The following GLIS3 variants were observed in gnomAD, a reference collection of about 807,000 sequenced individuals.
GLIS3 encodes the protein GLIS family zinc finger 3.
GLIS3 carries 53 observed loss-of-function variants against 78.6 expected under a neutral mutation model. The observed-to-expected ratio is 0.67, with a 90% confidence interval of 0.54 to 0.85. The LOEUF (loss-of-function observed/expected upper bound fraction) is 0.85. GLIS3 is among the 40% of genes least tolerant of loss of function. The pLI is 0.00. For missense variants in GLIS3, 1,703 were observed against 1,231.1 expected (o/e 1.38, Z -5.74); for synonymous variants, 684 against 509.9 (o/e 1.34, Z -4.60).
In GLIS3 at chr9:3,911,204, A is replaced by ATAAAG. The variant is rs1246288395; in HGVS notation, c.1984-12374_1984-12370dup. Among the ~76,000 whole-genome samples the ATAAAG allele has an allele frequency of 2.6e-5, 4 of 152,148 alleles. No homozygotes were observed. The South Asian group carries it at 8.3e-4, about 31-fold the overall frequency. On this transcript the variant is annotated intron_variant, in intron 6 of 10. Coordinates refer to ENST00000381971, the MANE Select transcript of GLIS3 (RefSeq NM_001042413.2). Reference sequence around the variant, plus strand: ...CCCCAAACTACGCTAGGCCCAGGAGATAAAGTAGTACATAAGACAATTGAA... The same window carrying ATAAAG: ...CCCCAAACTACGCTAGGCCCAGGAGATAAAGTAAAGTAGTACATAAGACAATTGAA...
chr9:4,144,444 TTC>T (rs1382593400), intron 2 of GLIS3, among the ~76,000 whole-genome samples: 1 of 152,242 alleles, frequency 6.6e-6, no homozygotes, highest in Non-Finnish European at 1.5e-5. Flanking sequence ...GGTTTCTCGT[TTC>T]TGTGTCATTT....
At chr9:4,311,669 G>A (rs948448404) in intron 2 of GLIS3, among the ~76,000 whole-genome samples, 1 of 151,980 alleles carries the variant, frequency 6.6e-6, no homozygotes, top group African/African-American at 2.4e-5. Context: ...TGACCCTCCT[G>A]CATCGGCCTT....
At chr9:3,855,911 G>C in intron 9 of GLIS3, 98 bp downstream of exon 9, 2 of 1,308,940 alleles carry the variant, frequency 1.5e-6, no homozygotes, top group Non-Finnish European at 2.2e-6. Context: ...GCCTGGTGTA[G>C]AACAGAGCAT....
chr9:3,932,179 T>C (rs1825662335), intron 6 of GLIS3, among the ~76,000 whole-genome samples, 181 bp downstream of exon 6: 1 of 152,064 alleles, frequency 6.6e-6, no homozygotes. Context: ...ACCATAGCCA[T>C]ATCAGCTATG....
the GLIS3 span, among the ~76,000 whole-genome samples, chr9:4,450,859 T>A: frequency 6.6e-6 from 1 of 152,078 alleles, no homozygotes; most frequent in South Asian, 2.1e-4. Context: ...GCACTAAACA[T>A]GGAAACAAAC....
chr9:4,352,724 G>T (rs1030012918), upstream of GLIS3, among the ~76,000 whole-genome samples: 1 of 152,262 alleles, frequency 6.6e-6, no homozygotes, highest in Non-Finnish European at 1.5e-5. Flanking sequence ...GCTGGCCCTT[G>T]TGCCTTTGTG....
intron 2 of GLIS3, among the ~76,000 whole-genome samples, chr9:4,243,014 G>C (rs535059727): frequency 1.3e-5 from 2 of 152,232 alleles, no homozygotes; most frequent in East Asian, 3.9e-4. Context: ...CATCAATGAG[G>C]TTTTAGTATA....
chr9:4,266,959 C>G (rs1292455744), intron 2 of GLIS3, among the ~76,000 whole-genome samples: 1 of 152,172 alleles, frequency 6.6e-6, no homozygotes, highest in African/African-American at 2.4e-5. Flanking sequence ...GTGCTACATG[C>G]TGTGATATAA....
At chr9:3,899,416 GA>G (rs1353117238) in intron 6 of GLIS3, among the ~76,000 whole-genome samples, 1 of 119,254 alleles carries the variant, frequency 8.4e-6, no homozygotes, top group African/African-American at 3.1e-5. Context: ...ATACATTAAA[GA>G]GTTACATGTA....
At chr9:4,228,254 A>T (rs1414287067) in intron 2 of GLIS3, among the ~76,000 whole-genome samples, 3 of 151,286 alleles carry the variant, frequency 2.0e-5, no homozygotes, top group Non-Finnish European at 4.4e-5. Context: ...AATGATGATG[A>T]ATTTAGTTTT....
In GLIS3 at chr9:4,197,588, G is replaced by A. The variant is rs142295150; in HGVS notation, c.389-71647C>T. Among the ~76,000 whole-genome samples, 480 of 152,296 alleles carry A rather than the reference G, an allele frequency of 3.2e-3. 3 individuals are homozygous for A. Among genetic ancestry groups the A allele is most frequent in the African/African-American group, 0.01 (421 of 41,564 alleles). ...GGATTCTCCCTTGGTGCTGGTGCTC[G>A]TGCCTGCTGCTGGGGAAGTGTAGGC... On this transcript the variant is annotated intron_variant, in intron 2 of 10. Coordinates refer to ENST00000381971, the MANE Select transcript of GLIS3 (RefSeq NM_001042413.2).
chr9:4,253,350 G>A (rs1422140870), intron 2 of GLIS3, among the ~76,000 whole-genome samples: 2 of 152,246 alleles, frequency 1.3e-5, no homozygotes, highest in African/African-American at 4.8e-5. Context: ...CAGTGGCTTT[G>A]CCAAGGTGCA....
At chr9:3,880,193 T>G (rs900748015) in intron 7 of GLIS3, among the ~76,000 whole-genome samples, 1 of 152,132 alleles carries the variant, frequency 6.6e-6, no homozygotes, top group Non-Finnish European at 1.5e-5. Context: ...ATACTTGGCC[T>G]TCATCAAAGG....
the GLIS3 span, among the ~76,000 whole-genome samples, chr9:4,418,200 A>C: frequency 6.6e-6 from 1 of 152,254 alleles, no homozygotes; most frequent in African/African-American, 2.4e-5. Flanking sequence ...CCTTTGAAGA[A>C]GCTATTCTGA....
chr9:4,314,494 C>T (rs541606062), intron 2 of GLIS3, among the ~76,000 whole-genome samples: 3 of 152,344 alleles, frequency 2.0e-5, no homozygotes, highest in African/African-American at 7.2e-5. Flanking sequence ...CCATTTAAGG[C>T]AGTCTAGAAC....
rs913597564 is a variant in GLIS3, at chr9:3,828,203, A to C, written c.*69T>G. 5 of 1,581,510 alleles carry C rather than the reference A, an allele frequency of 3.2e-6. No individual in the cohort carries two copies. The African/African-American group carries it at 6.7e-5, about 21-fold the overall frequency. ...GACATCCTTCCTCAAGCAGTCTGTG[A>C]GAGTACGAAAACAAAAGGTGGCAAG... On this transcript the variant is annotated 3_prime_UTR_variant, in exon 11 of 11. Coordinates refer to ENST00000381971, the MANE Select transcript of GLIS3 (RefSeq NM_001042413.2).
At chr9:3,987,722 A>G (rs1403007376) in intron 4 of GLIS3, among the ~76,000 whole-genome samples, 1 of 148,270 alleles carries the variant, frequency 6.7e-6, no homozygotes, top group Non-Finnish European at 1.5e-5. Context: ...AAAGAAAAGA[A>G]AAGAAAAGAA....
At chr9:3,950,100 C>G (rs1816576949) in intron 4 of GLIS3, among the ~76,000 whole-genome samples, 1 of 152,218 alleles carries the variant, frequency 6.6e-6, no homozygotes. Flanking sequence ...TCATTTTTGA[C>G]ATTTCCCTCT....
intron 4 of GLIS3, among the ~76,000 whole-genome samples, chr9:4,067,871 T>C (rs1417457402): frequency 6.6e-6 from 1 of 151,740 alleles, no homozygotes; most frequent in African/African-American, 2.4e-5. Context: ...CAATAATAGT[T>C]AAAAATAGAA....
Sources: allele counts gnomAD v4.1 joint callset (sites outside exome capture counted in the v4.1 genomes callset), GRCh38; gene constraint gnomAD v4.1.1; transcripts MANE v1.5; gene names NCBI Gene and HGNC (gene_info 2026-07-23, HGNC 2026-07-21).